LAMA2: variants seen among roughly 807,000 people sequenced by gnomAD.
The protein encoded by LAMA2 is laminin subunit alpha 2, also known as laminin subunit alpha-2.
Under a neutral mutation model 364.8 loss-of-function variants are expected in LAMA2, and 269 were observed. The observed-to-expected ratio is 0.74, with a 90% CI of 0.67 to 0.82. LAMA2 has a LOEUF of 0.82. LAMA2 is among the 40% of genes least tolerant of loss of function. The probability of loss-of-function intolerance (pLI) is 0.00; values close to 1 mark genes in which losing one functional copy is unlikely to be tolerated. For synonymous variants in LAMA2, 1,379 were observed against 1,370.6 expected, an observed-to-expected ratio of 1.01 and a Z score of -0.14; for missense variants, 3,807 against 3,873.2, an observed-to-expected ratio of 0.98 and a Z score of 0.45.
At chr6:129,223,865 T>C (rs1003765113) in intron 12 of LAMA2, among the ~76,000 whole-genome samples, 1 of 152,204 alleles carries the variant, frequency 6.6e-6, no homozygotes, top group African/African-American at 2.4e-5. Flanking sequence ...AGTAGTTTTT[T>C]TTCCAATTCT....
intron 3 of LAMA2, among the ~76,000 whole-genome samples, chr6:129,063,013 G>T (rs1207981914): frequency 7.5e-5 from 11 of 146,164 alleles, no homozygotes; most frequent in Non-Finnish European, 1.2e-4. Context: ...TAAGTAGATT[G>T]TTCTTAGATA....
At chr6:129,354,500 G>A (rs1441392716) in intron 32 of LAMA2, among the ~76,000 whole-genome samples, 1 of 151,928 alleles carries the variant, frequency 6.6e-6, no homozygotes, top group Non-Finnish European at 1.5e-5. Flanking sequence ...ATATTTTAAT[G>A]ATAATTAAAG....
In LAMA2 at chr6:129,136,390, T is replaced by A. The variant is rs1308876636; in HGVS notation, c.640-7511T>A. Among the ~76,000 whole-genome samples the A allele has an allele frequency of 4.6e-4, 70 of 152,290 alleles. 1 individual carries two copies. The highest frequency in any genetic ancestry group is 1.5e-5 in the Non-Finnish European group (1 of 68,018). On this transcript the variant is annotated intron_variant, in intron 4 of 64. Coordinates refer to ENST00000421865, the MANE Select transcript of LAMA2 (RefSeq NM_000426.4). ...CTTTGCTTCTATTTTTGATCATTTT[T>A]AAAAAGTTAGTTCTTCTGGTGTTTG...
In LAMA2 at chr6:129,391,614, A is replaced by T; in HGVS notation, c.5195A>T (p.Asn1732Ile). The T allele has an allele frequency of 6.2e-7, 1 of 1,613,978 alleles. No homozygotes were observed. Among genetic ancestry groups the T allele is most frequent in the Non-Finnish European group, 8.5e-7 (1 of 1,179,868 alleles). The change falls in exon 36 of 65, where the codon AAT becomes ATT. Residue 1732 changes from asparagine to isoleucine, a missense_variant. Physicochemically the swap from Asn to Ile is moderately radical, Grantham distance 149. Transcript: ENST00000421865. ...DQMIKELRRK[N>I]LETQKEIAED... Reference sequence around the variant, plus strand: ...ATGATTAAAGAACTGAGGAGGAAAAATCTAGAGACACAAAAGGAAATTGCT... The same window carrying T: ...ATGATTAAAGAACTGAGGAGGAAAATTCTAGAGACACAAAAGGAAATTGCT...
At chr6:129,393,996 T>C (rs560496186) in intron 37 of LAMA2, among the ~76,000 whole-genome samples, 56 of 152,358 alleles carry the variant, frequency 3.7e-4, no homozygotes, top group African/African-American at 1.2e-3. Context: ...CCTCTATCTT[T>C]TTAAGAGTTC....
intron 1 of LAMA2, among the ~76,000 whole-genome samples, chr6:129,042,162 G>A (rs1038094837): frequency 1.3e-5 from 2 of 151,648 alleles, no homozygotes; most frequent in African/African-American, 4.9e-5. Flanking sequence ...AAAATTAGCT[G>A]GGCGTGGTGG....
chr6:129,383,125 A>G lies in LAMA2; in HGVS notation c.4963A>G (p.Thr1655Ala). 6.2e-7 allele frequency: 1 copy of G among 1,613,164 alleles called. No individual in the cohort carries two copies. Among genetic ancestry groups the G allele is most frequent in the Non-Finnish European group, 8.5e-7 (1 of 1,179,400 alleles). Residue 1655 changes from threonine to alanine, a missense_variant, in exon 35 of 65, where the codon ACC (threonine) becomes GCC (alanine). This residue lies in a region of LAMA2 where 3,333 missense variants were observed against 3,345.7 expected (regional missense o/e 1.00). Transcript: ENST00000421865. ...TEMNELLTRATKVTADGEQTG... is the reference protein window; with the variant it reads ...TEMNELLTRAAKVTADGEQTG... ...TTTCCCGAATTTGGATCATTAGGCT[A>G]CCAAAGTGACAGCAGATGGCGAGCA...
intron 1 of LAMA2, chr6:128,929,902 G>A: frequency 1.2e-6 from 1 of 863,842 alleles, no homozygotes; most frequent in Non-Finnish European, 1.9e-6. Context: ...TGTATGGGAT[G>A]TGCAGGTACG....
intron 3 of LAMA2, among the ~76,000 whole-genome samples, chr6:129,066,337 G>T (rs9388682): frequency 6.6e-6 from 1 of 151,660 alleles, no homozygotes; most frequent in East Asian, 1.9e-4. Flanking sequence ...GAGCCACCGC[G>T]CCCGGCCTCA....
chr6:128,901,242 C>G (rs1393821923), intron 1 of LAMA2, among the ~76,000 whole-genome samples: 2 of 152,136 alleles, frequency 1.3e-5, no homozygotes, highest in Non-Finnish European at 2.9e-5. Context: ...TTCAAAAATC[C>G]TATGCTTCTC....
rs367622610 is a variant in LAMA2, at chr6:129,512,412, C to T, written c.8907C>T (p.Arg2969=). 27 of 1,612,984 alleles carry T rather than the reference C, an allele frequency of 1.7e-5. No individual in the cohort carries two copies. In the African/African-American group the frequency reaches 3.2e-4, roughly 19 times the overall value. The change falls in exon 63 of 65, where the codon CGC becomes CGT. Residue 2969 remains arginine, a synonymous_variant. Transcript: ENST00000421865. ...GLDLLVEFEF[R]TTTTTGVLLG... ...ACCTTCTTGTAGAATTTGAATTCCG[C>T]ACAACTACAACGACTGGAGTTCTTC... is the stretch of plus-strand genomic sequence containing the variant.
intron 64 of LAMA2, among the ~76,000 whole-genome samples, chr6:129,515,204 T>G (rs1028037621): frequency 1.3e-5 from 2 of 152,208 alleles, no homozygotes; most frequent in African/African-American, 4.8e-5. Flanking sequence ...TAATAAGTAC[T>G]GTAATAACAT....
At chr6:129,348,415 T>C (rs1472488565) in intron 30 of LAMA2, among the ~76,000 whole-genome samples, 2 of 152,202 alleles carry the variant, frequency 1.3e-5, no homozygotes, top group Non-Finnish European at 2.9e-5. Context: ...ATTATCTTTC[T>C]GCCACAGATA....
At chr6:129,378,308 A>C (rs1258263716) in intron 34 of LAMA2, among the ~76,000 whole-genome samples, 1 of 152,218 alleles carries the variant, frequency 6.6e-6, no homozygotes, top group African/African-American at 2.4e-5. Context: ...ATCATGTAGT[A>C]TTTAGCATTC....
At chr6:129,351,692 C>T (rs1776861757) in intron 31 of LAMA2, among the ~76,000 whole-genome samples, 1 of 152,112 alleles carries the variant, frequency 6.6e-6, no homozygotes, top group African/African-American at 2.4e-5. Flanking sequence ...ATATAGAAAC[C>T]TCTCCTCATA....
At position 129,252,210 on chromosome 6, in the gene LAMA2, A is replaced by G. The variant is rs1456101813; in HGVS notation, c.2011A>G (p.Arg671Gly). 3.1e-6 allele frequency: 5 copies of G among 1,613,956 alleles called. No homozygotes were observed. The highest frequency in any genetic ancestry group is 4.2e-6 in the Non-Finnish European group (5 of 1,179,948). Residue 671 changes from arginine (R) to glycine (G), a missense_variant, in exon 14 of 65, where the codon AGA becomes GGA. Coordinates refer to ENST00000421865, the MANE Select transcript of LAMA2 (RefSeq NM_000426.4). The stretch of plus-strand genomic sequence containing the variant: ...ACATGGCACACATTTTCCAGTCCGT[A>G]GAAAGGAATTTATGACAGTGCTTGC... Reference protein sequence around the residue: ...TIHGTHFPVRRKEFMTVLANL... With the variant: ...TIHGTHFPVRGKEFMTVLANL...
rs763533627 is a variant in LAMA2, at chr6:129,453,067, T to A, written c.6509T>A (p.Ile2170Asn). The change falls in exon 46 of 65, where the codon ATT becomes AAT. Residue 2170 changes from isoleucine (I) to asparagine (N), a missense_variant. Transcript: ENST00000421865. Reference sequence around the variant, plus strand: ...ATCAAGAAAGGAAGTTACAATAATATTGTTGTCAACGTAAAGACAGCTGTT... The same window carrying A: ...ATCAAGAAAGGAAGTTACAATAATAATGTTGTCAACGTAAAGACAGCTGTT... Reference protein sequence around the residue: ...PEIKKGSYNNIVVNVKTAVAD... With the variant: ...PEIKKGSYNNNVVNVKTAVAD... 5.0e-6 allele frequency: 8 copies of A among 1,613,052 alleles called. No homozygotes were observed. The highest frequency in any genetic ancestry group is 6.8e-6 in the Non-Finnish European group (8 of 1,179,404).
chr6:128,899,758 A>G (rs1165318747), intron 1 of LAMA2, among the ~76,000 whole-genome samples: 1 of 152,110 alleles, frequency 6.6e-6, no homozygotes, highest in Non-Finnish European at 1.5e-5. Context: ...GCTACCTTAA[A>G]TTATCTTGCT....
At chr6:129,086,250 G>T (rs868716723) in intron 3 of LAMA2, among the ~76,000 whole-genome samples, 1 of 152,218 alleles carries the variant, frequency 6.6e-6, no homozygotes, top group Non-Finnish European at 1.5e-5. Flanking sequence ...GGTTAGATAT[G>T]TTCACCCATT....
Sources: allele counts gnomAD v4.1 joint callset (sites outside exome capture counted in the v4.1 genomes callset), GRCh38; gene constraint gnomAD v4.1.1; regional missense constraint gnomAD v4.1.1; transcripts MANE v1.5; gene names NCBI Gene and HGNC (gene_info 2026-07-23, HGNC 2026-07-21).